Variants in CNIH3 observed in about 807,000 individuals in gnomAD.
CNIH3 encodes the protein cornichon family AMPA receptor auxiliary protein 3.
Under a neutral mutation model 24.1 loss-of-function variants are expected in CNIH3, and 14 were observed. The ratio of observed to expected loss-of-function variants is 0.58; its 90% CI spans 0.38 to 0.91. The LOEUF is 0.91. CNIH3 is among the 40% of genes least tolerant of loss of function. CNIH3 has a pLI of 0.00. For synonymous variants in CNIH3, 68 were observed against 73.8 expected (o/e 0.92, Z 0.40); for missense variants, 178 against 196.8 (o/e 0.90, Z 0.57).
At chr1:224,690,251 A>G (rs1393292429) in intron 3 of CNIH3, among the ~76,000 whole-genome samples, 1 of 152,178 alleles carries the variant, frequency 6.6e-6, no homozygotes. Flanking sequence ...TCCAGGCTAA[A>G]GTGCAGTGGC....
chr1:224,530,218 T>C (rs1679011019), intron 2 of CNIH3, among the ~76,000 whole-genome samples: 1 of 152,172 alleles, frequency 6.6e-6, no homozygotes, highest in Admixed American at 6.5e-5. Flanking sequence ...TGCTGTAAAA[T>C]CTTGTTTGTG....
At chr1:224,540,514 T>C (rs929979455), downstream of CNIH3, among the ~76,000 whole-genome samples, 1 of 152,206 alleles carries the variant, frequency 6.6e-6, no homozygotes, top group Admixed American at 6.5e-5. Flanking sequence ...TCTGGCTATA[T>C]GGACATTAAA....
chr1:224,473,566 T>A (rs1676452649), intron 1 of CNIH3, among the ~76,000 whole-genome samples: 1 of 152,216 alleles, frequency 6.6e-6, no homozygotes, highest in Non-Finnish European at 1.5e-5. Flanking sequence ...GGTCATTATA[T>A]AATGATAAAG....
chr1:224,686,244 A>C (rs1446867382), intron 3 of CNIH3, among the ~76,000 whole-genome samples: 1 of 146,258 alleles, frequency 6.8e-6, no homozygotes, highest in Non-Finnish European at 1.5e-5. Context: ...CCTATAAGTG[A>C]GAACATGCAG....
At chr1:224,588,791 A>T (rs757949365), downstream of CNIH3, among the ~76,000 whole-genome samples, 3 of 151,488 alleles carry the variant, frequency 2.0e-5, no homozygotes, top group African/African-American at 4.9e-5. Flanking sequence ...TCTTAGCTCC[A>T]CTTGATGGAG....
At chr1:224,490,774 T>C (rs1677209541) in intron 1 of CNIH3, among the ~76,000 whole-genome samples, 1 of 152,172 alleles carries the variant, frequency 6.6e-6, no homozygotes, top group Non-Finnish European at 1.5e-5. Flanking sequence ...TTAAAGGAGT[T>C]TAACTGAGCA....
chr1:224,620,837 GA>G (rs1209162505), intron 1 of CNIH3, among the ~76,000 whole-genome samples: 1 of 150,758 alleles, frequency 6.6e-6, no homozygotes. Context: ...CCATTTCTAA[GA>G]AAAAAAAATT....
upstream of CNIH3, among the ~76,000 whole-genome samples, chr1:224,613,703 C>T (rs1386106376): frequency 6.6e-6 from 1 of 152,116 alleles, no homozygotes; most frequent in East Asian, 1.9e-4. Context: ...CCACAACACT[C>T]TCTTGCTCTT....
Position 224,616,619 on chromosome 1 carries a change from C to T in CNIH3, c.-556C>T, listed in dbSNP as rs1247788702. The T allele has an allele frequency of 1.4e-5, 14 of 986,962 alleles. No individual in the cohort carries two copies. The highest frequency in any genetic ancestry group is 1.7e-5 in the Non-Finnish European group (14 of 831,136). 61.1% of individuals were successfully genotyped at this position (986,962 alleles called of 1,614,324 possible). A position where few individuals can be genotyped will look rare whatever the true frequency, so the allele number is the denominator to read the frequency against. ...CCGGCTACCTAAAGACTCCTTCTCT[C>T]GGGAAAGAGCGCTGCCCGGCTCTGG... On this transcript the variant is annotated 5_prime_UTR_variant, in exon 1 of 6. Coordinates refer to ENST00000272133, the MANE Select transcript of CNIH3 (RefSeq NM_152495.2).
In CNIH3 at chr1:224,543,013, C is replaced by A. The variant is rs184998500; in HGVS notation, n.340-3816C>A. ...GACAGCTTCTGCAAATGAGAAGATT[C>A]AGGATGTGGGTAGGCTGAGTCAGAA... On this transcript the variant is annotated intron_variant and non_coding_transcript_variant, in intron 2 of 5. Transcript: ENST00000471578. 2.0e-5 allele frequency among the ~76,000 whole-genome samples: 3 copies of A among 152,238 alleles called. No homozygotes were observed. In the East Asian group the frequency reaches 5.8e-4, roughly 29 times the overall value.
chr1:224,511,466 C>A (rs953943082), upstream of CNIH3, among the ~76,000 whole-genome samples: 2 of 152,238 alleles, frequency 1.3e-5, no homozygotes, highest in Admixed American at 6.5e-5. Flanking sequence ...CATGTGATCA[C>A]AAAGTGGGTA....
At position 224,518,501 on chromosome 1, in the gene CNIH3, C is replaced by CTT. The variant is rs5781373; in HGVS notation, n.16-2487_16-2486dup. Reference sequence around the variant, plus strand: ...AACACACCTGCCTAATTTTTGAAGCCTTTTTTTTTTTTTAGAGACAGGGTC... The same window carrying CTT: ...AACACACCTGCCTAATTTTTGAAGCCTTTTTTTTTTTTTTTAGAGACAGGGTC... On this transcript the variant is annotated intron_variant and non_coding_transcript_variant, in intron 1 of 2. Coordinates refer to the CNIH3 transcript ENST00000470602. Among the ~76,000 whole-genome samples the CTT allele has an allele frequency of 4.8e-3, 699 of 146,362 alleles. 1 individual carries two copies. The highest frequency in any genetic ancestry group is 0.015 in the South Asian group (68 of 4,580).
intron 3 of CNIH3, among the ~76,000 whole-genome samples, chr1:224,559,543 T>C (rs1285076187): frequency 1.3e-5 from 2 of 152,140 alleles, no homozygotes; most frequent in African/African-American, 2.4e-5. Flanking sequence ...GTTTTTATTT[T>C]TAAAATTTTT....
intron 1 of CNIH3, among the ~76,000 whole-genome samples, chr1:224,447,625 T>C (rs1187592380): frequency 1.3e-5 from 2 of 152,236 alleles, no homozygotes; most frequent in Non-Finnish European, 2.9e-5. Context: ...GGACATAAGC[T>C]GTACCTGCCT....
At chr1:224,736,872 C>T (rs532728660) in intron 5 of CNIH3, among the ~76,000 whole-genome samples, 1 of 152,308 alleles carries the variant, frequency 6.6e-6, no homozygotes, top group South Asian at 2.1e-4. Context: ...GACAAAGCCG[C>T]CGTGGGCTTA....
At chr1:224,479,321 T>C (rs1676713068) in intron 1 of CNIH3, among the ~76,000 whole-genome samples, 1 of 151,956 alleles carries the variant, frequency 6.6e-6, no homozygotes, top group African/African-American at 2.4e-5. Flanking sequence ...GCCCGGCTAA[T>C]TTTATATTTT....
chr1:224,635,063 C>G (rs957184018), intron 1 of CNIH3, among the ~76,000 whole-genome samples: 1 of 152,100 alleles, frequency 6.6e-6, no homozygotes, highest in Non-Finnish European at 1.5e-5. Flanking sequence ...TTAATTGACT[C>G]ACAGTTCTGC....
At chr1:224,676,897 C>A (rs1207980110) in intron 1 of CNIH3, among the ~76,000 whole-genome samples, 1 of 152,216 alleles carries the variant, frequency 6.6e-6, no homozygotes, top group African/African-American at 2.4e-5. Context: ...ACCCCTACCT[C>A]CTCGGGGAAG....
chr1:224,450,004 GCACA>G (rs147188963), intron 1 of CNIH3, among the ~76,000 whole-genome samples: 44 of 147,432 alleles, frequency 3.0e-4, no homozygotes, highest in Admixed American at 7.5e-4. Context: ...CATTATACAC[GCACA>G]CACACACACA....
Sources: allele counts gnomAD v4.1 joint callset (sites outside exome capture counted in the v4.1 genomes callset), GRCh38; gene constraint gnomAD v4.1.1; transcripts MANE v1.5; gene names NCBI Gene and HGNC (gene_info 2026-07-23, HGNC 2026-07-21).